MAPK4: variants seen among roughly 807,000 people sequenced by gnomAD.
The protein encoded by MAPK4 is Erk3-related.
A neutral mutation model predicts 47.7 loss-of-function variants in MAPK4; 22 were observed. That is an observed-to-expected ratio of 0.46 (90% confidence interval 0.33 to 0.66). The LOEUF (loss-of-function observed/expected upper bound fraction) is 0.66. MAPK4 is among the 30% of genes least tolerant of loss of function. The pLI, the probability that MAPK4 is intolerant of heterozygous loss-of-function variation, is 0.02. For missense variants in MAPK4, 736 were observed against 831.7 expected (o/e 0.88, Z 1.42); for synonymous variants, 390 against 365.7 (o/e 1.07, Z -0.76).
intron 1 of MAPK4, among the ~76,000 whole-genome samples, chr18:50,640,140 A>C (rs2042925954): frequency 6.6e-6 from 1 of 152,238 alleles, no homozygotes; most frequent in African/African-American, 2.4e-5. Context: ...AGACAGGAGC[A>C]AAAGGGCACA....
intron 1 of MAPK4, among the ~76,000 whole-genome samples, chr18:50,622,567 G>A (rs1249185506): frequency 6.6e-6 from 1 of 152,210 alleles, no homozygotes; most frequent in African/African-American, 2.4e-5. Flanking sequence ...CCAGGGCAAG[G>A]AGGCCTTCAT....
chr18:50,662,647 A>T (rs1243932838), intron 1 of MAPK4, among the ~76,000 whole-genome samples: 1 of 152,264 alleles, frequency 6.6e-6, no homozygotes, highest in East Asian at 1.9e-4. Flanking sequence ...AAAAGAAGGA[A>T]GAAAAGGAAC....
At chr18:50,605,673 A>C (rs1414385699) in intron 1 of MAPK4, among the ~76,000 whole-genome samples, 1 of 152,200 alleles carries the variant, frequency 6.6e-6, no homozygotes, top group Non-Finnish European at 1.5e-5. Flanking sequence ...TTGAGCTGTC[A>C]TTCCTTCCAG....
At chr18:50,561,706 G>A (rs1371790837) in intron 1 of MAPK4, among the ~76,000 whole-genome samples, 3 of 152,110 alleles carry the variant, frequency 2.0e-5, no homozygotes, top group African/African-American at 7.2e-5. Flanking sequence ...TTTCCAAACC[G>A]CTTGTGTGGT....
At chr18:50,644,384 C>A (rs182883452) in intron 1 of MAPK4, among the ~76,000 whole-genome samples, 189 of 152,214 alleles carry the variant, frequency 1.2e-3, no homozygotes, top group African/African-American at 4.4e-3. Context: ...CAAAGTCACA[C>A]TTGCCATTGG....
intron 1 of MAPK4, among the ~76,000 whole-genome samples, chr18:50,614,035 T>A (rs1422919616): frequency 2.6e-5 from 4 of 152,208 alleles, no homozygotes; most frequent in Non-Finnish European, 5.9e-5. Flanking sequence ...TGTGGAAAGC[T>A]ATGGTCTTGA....
rs771431341 is a variant in MAPK4, at chr18:50,721,984, T to C, written c.738T>C (p.Pro246=). The stretch of plus-strand genomic sequence containing the variant: ...TGCAACTCATCCTGGAGACCATCCC[T>C]GTAATCCGGGAGGAAGACAAGGACG... ...EQMQLILETI[P]VIREEDKDEL... The change falls in exon 4 of 6, where the codon CCT becomes CCC. Residue 246 remains proline (P), a synonymous_variant. Transcript: ENST00000400384. 3 of 1,614,074 alleles carry C rather than the reference T, an allele frequency of 1.9e-6. No individual in the cohort carries two copies. The highest frequency in any genetic ancestry group is 2.5e-6 in the Non-Finnish European group (3 of 1,179,984).
chr18:50,720,192 C>G (rs760640865), intron 3 of MAPK4, among the ~76,000 whole-genome samples: 1 of 152,182 alleles, frequency 6.6e-6, no homozygotes, highest in Non-Finnish European at 1.5e-5. Context: ...CACAAAGAAT[C>G]ACTCACGGAT....
intron 1 of MAPK4, among the ~76,000 whole-genome samples, chr18:50,628,038 C>A (rs1022968496): frequency 6.6e-6 from 1 of 152,138 alleles, no homozygotes; most frequent in African/African-American, 2.4e-5. Context: ...CATTGGTCTG[C>A]GTGGTGACTC....
chr18:50,683,449 A>T (rs1598907011), intron 2 of MAPK4, among the ~76,000 whole-genome samples: 1 of 121,132 alleles, frequency 8.3e-6, no homozygotes, highest in East Asian at 3.1e-4. Context: ...TTTATTGGTG[A>T]TGGGGTGTGT....
At chr18:50,661,589 A>T (rs1038522190) in intron 1 of MAPK4, among the ~76,000 whole-genome samples, 9 of 152,148 alleles carry the variant, frequency 5.9e-5, no homozygotes, top group African/African-American at 2.2e-4. Flanking sequence ...GGAGGGGTGG[A>T]TGTCAGTGGA....
At chr18:50,591,988 T>C (rs550973599) in intron 1 of MAPK4, among the ~76,000 whole-genome samples, 1 of 152,260 alleles carries the variant, frequency 6.6e-6, no homozygotes, top group South Asian at 2.1e-4. Flanking sequence ...TGAAGCAGCT[T>C]TGTACATGGT....
chr18:50,708,006 A>T (rs1910150498), intron 2 of MAPK4, among the ~76,000 whole-genome samples: 1 of 152,226 alleles, frequency 6.6e-6, no homozygotes, highest in African/African-American at 2.4e-5. Flanking sequence ...TTCTTCACCC[A>T]TGTTTACTTT....
chr18:50,721,969 C>T lies in MAPK4; in HGVS notation c.723C>T (p.Ile241=), dbSNP rs372444429. Residue 241 remains isoleucine, a synonymous_variant, in exon 4 of 6, where the codon ATC becomes ATT. Transcript: ENST00000400384. ...GAHELEQMQL[I]LETIPVIREE... ...ATGAGCTGGAGCAGATGCAACTCAT[C>T]CTGGAGACCATCCCTGTAATCCGGG... The T allele has an allele frequency of 5.6e-6, 9 of 1,614,048 alleles. No individual in the cohort carries two copies. The highest frequency in any genetic ancestry group is 1.3e-5 in the African/African-American group (1 of 74,946).
intron 1 of MAPK4, among the ~76,000 whole-genome samples, chr18:50,642,486 A>ATAGT (rs1279480236): frequency 6.6e-6 from 1 of 152,188 alleles, no homozygotes; most frequent in Non-Finnish European, 1.5e-5. Context: ...CCACCCCAAT[A>ATAGT]TAGTTAGTGA....
At chr18:50,617,242 TCGGGACA>T (rs1568047000) in intron 1 of MAPK4, among the ~76,000 whole-genome samples, 3 of 486 alleles carry the variant, frequency 6.2e-3, no homozygotes, top group African/African-American at 7.5e-3. Context: ...ACAGAAGACA[TCGGGACA>T]TCGGGGTCTG....
intron 2 of MAPK4, among the ~76,000 whole-genome samples, chr18:50,693,234 A>G (rs779369838): frequency 2.4e-4 from 36 of 152,268 alleles, no homozygotes; most frequent in South Asian, 8.3e-4. Context: ...ACTCCAGCCT[A>G]GGCAACAGAG....
chr18:50,656,352 T>G (rs1050882917), intron 1 of MAPK4, among the ~76,000 whole-genome samples: 2 of 151,980 alleles, frequency 1.3e-5, no homozygotes, highest in Non-Finnish European at 2.9e-5. Flanking sequence ...CAGGGAAGGG[T>G]TGCTTCCAAG....
At chr18:50,660,099 TAGG>T (rs2043154114) in intron 1 of MAPK4, among the ~76,000 whole-genome samples, 1 of 152,114 alleles carries the variant, frequency 6.6e-6, no homozygotes. Context: ...TCAGCCCACC[TAGG>T]GAGAAAGGCA....
Sources: gnomAD v4.1 joint callset for allele counts (sites outside exome capture counted in the v4.1 genomes callset) on GRCh38, gnomAD v4.1.1 for gene constraint, MANE v1.5 for transcripts, NCBI Gene and HGNC (gene_info 2026-07-23, HGNC 2026-07-21) for gene names.